The following TBC1D32 variants were observed in gnomAD, a reference collection of about 807,000 sequenced individuals.
TBC1D32 encodes TBC1 domain family member 32, also known as protein broad-minded.
Under a neutral mutation model 170.3 loss-of-function variants are expected in TBC1D32, and 151 were observed. The ratio of observed to expected loss-of-function variants is 0.89; its 90% CI spans 0.78 to 1.01. The LOEUF is 1.01. TBC1D32 is among the 50% of genes least tolerant of loss of function. The probability of loss-of-function intolerance (pLI) is 0.00; values close to 1 mark genes in which losing one functional copy is unlikely to be tolerated. For missense variants in TBC1D32, 1,464 were observed against 1,457.1 expected, an observed-to-expected ratio of 1.00 and a Z score of -0.08; for synonymous variants, 498 against 488.0, an observed-to-expected ratio of 1.02 and a Z score of -0.27.
chr6:121,332,323 G>C (rs1811325230), intron 1 of TBC1D32, among the ~76,000 whole-genome samples: 1 of 151,962 alleles, frequency 6.6e-6, no homozygotes, highest in Non-Finnish European at 1.5e-5. Context: ...AGCAGAAATT[G>C]ATAAAACAAA....
At chr6:121,110,049 A>C (rs1295615242) in intron 29 of TBC1D32, among the ~76,000 whole-genome samples, 1 of 151,954 alleles carries the variant, frequency 6.6e-6, no homozygotes, top group Non-Finnish European at 1.5e-5. Context: ...CAGGAGATCG[A>C]GACCATCCTG....
At chr6:121,094,115 T>A (rs914405350) in intron 30 of TBC1D32, among the ~76,000 whole-genome samples, 5 of 151,786 alleles carry the variant, frequency 3.3e-5, no homozygotes, top group East Asian at 1.9e-4. Flanking sequence ...AAACACCATA[T>A]CCCTGGAAGA....
intron 26 of TBC1D32, among the ~76,000 whole-genome samples, chr6:121,117,462 G>A (rs1779798153): frequency 6.6e-6 from 1 of 152,168 alleles, no homozygotes; most frequent in Non-Finnish European, 1.5e-5. Context: ...AGCACTTTGG[G>A]AGGCTGAGAG....
At chr6:121,268,388 T>A (rs569459352) in intron 15 of TBC1D32, among the ~76,000 whole-genome samples, 6 of 152,234 alleles carry the variant, frequency 3.9e-5, no homozygotes, top group African/African-American at 1.4e-4. Context: ...AATGGCTAAC[T>A]AGAATAAACA....
chr6:121,141,037 T>A (rs1276984839), intron 24 of TBC1D32, among the ~76,000 whole-genome samples: 3 of 152,180 alleles, frequency 2.0e-5, no homozygotes, highest in African/African-American at 7.2e-5. Flanking sequence ...GATTATTTAC[T>A]TTTTCATTCA....
At chr6:121,245,590 G>C (rs978756998) in intron 17 of TBC1D32, among the ~76,000 whole-genome samples, 1 of 152,130 alleles carries the variant, frequency 6.6e-6, no homozygotes, top group African/African-American at 2.4e-5. Context: ...AATGGTCTTG[G>C]AGAAGGGATC....
At chr6:121,227,422 T>C (rs996989837) in intron 20 of TBC1D32, among the ~76,000 whole-genome samples, 1 of 152,110 alleles carries the variant, frequency 6.6e-6, no homozygotes, top group Non-Finnish European at 1.5e-5. Flanking sequence ...GTCAACCAAA[T>C]TTAGAGTCAA....
chr6:121,084,096 T>G (rs1460160482), intron 31 of TBC1D32, among the ~76,000 whole-genome samples: 1 of 152,150 alleles, frequency 6.6e-6, no homozygotes, highest in African/African-American at 2.4e-5. Flanking sequence ...GGTAGCTGTT[T>G]ACCCCATCAA....
rs1775569164 is a variant in TBC1D32, at chr6:121,080,868, C to G, written c.3677G>C (p.Arg1226Pro). The change falls in exon 32 of 32, where the codon CGA becomes CCA. Residue 1226 changes from arginine (R) to proline (P), a missense_variant. Around this residue, in one of 3 missense-constraint regions of TBC1D32, gnomAD observed 97 missense variants for 102.0 expected, o/e 0.95. Transcript: ENST00000398212. Reference sequence around the variant, plus strand: ...CATGTATTCAAAATAATCACTCACTCGAAACCCATGCAGTGCTTCTTCCTG... The same window carrying G: ...CATGTATTCAAAATAATCACTCACTGGAAACCCATGCAGTGCTTCTTCCTG... ...FLKEEALHGFRVSDYFEYMEI... is the reference protein window; with the variant it reads ...FLKEEALHGFPVSDYFEYMEI... 6.2e-7 allele frequency: 1 copy of G among 1,613,608 alleles called. No homozygotes were observed. The highest frequency in any genetic ancestry group is 2.2e-5 in the East Asian group (1 of 44,832).
At chr6:121,216,286 A>T (rs1170449850) in intron 21 of TBC1D32, among the ~76,000 whole-genome samples, 1 of 152,186 alleles carries the variant, frequency 6.6e-6, no homozygotes, top group African/African-American at 2.4e-5. Flanking sequence ...CAAGTTCTTT[A>T]GTTTTGAGAC....
intron 12 of TBC1D32, among the ~76,000 whole-genome samples, chr6:121,284,622 AAG>A (rs1450599576): frequency 6.6e-6 from 1 of 152,186 alleles, no homozygotes; most frequent in Non-Finnish European, 1.5e-5. Flanking sequence ...CTTACATTAA[AAG>A]AGTCTGGTGA....
In TBC1D32 at chr6:121,321,464, G is replaced by A. The variant is rs878882261; in HGVS notation, c.317+169C>T. Among the ~76,000 whole-genome samples, 7 of 152,288 alleles carry A rather than the reference G, an allele frequency of 4.6e-5. No homozygotes were observed. In the South Asian group the frequency reaches 8.3e-4, roughly 18 times the overall value. On this transcript the variant is annotated intron_variant, in intron 2 of 31. Coordinates refer to ENST00000398212, the MANE Select transcript of TBC1D32 (RefSeq NM_152730.6). The stretch of plus-strand genomic sequence containing the variant: ...CTGGGTTTTACTCAAAAGGAGATGC[G>A]AAGCCTTTGGAGAGTCTGGGTGAAA...
At chr6:121,305,197 G>A (rs74618903) in intron 5 of TBC1D32, among the ~76,000 whole-genome samples, 4,994 of 151,964 alleles carry the variant, frequency 0.033, 195 homozygotes, top group East Asian at 0.12. Context: ...TTTCCAAATC[G>A]AAAATTCATC....
chr6:121,218,819 G>C (rs1053088275), intron 21 of TBC1D32, among the ~76,000 whole-genome samples: 3 of 152,124 alleles, frequency 2.0e-5, no homozygotes, highest in Non-Finnish European at 4.4e-5. Flanking sequence ...GAGTTATCAT[G>C]AGATATGATG....
At chr6:121,178,677 G>T (rs560155477) in intron 22 of TBC1D32, among the ~76,000 whole-genome samples, 2 of 152,178 alleles carry the variant, frequency 1.3e-5, no homozygotes, top group African/African-American at 4.8e-5. Flanking sequence ...CTAACCAATG[G>T]AGTATGGTAT....
intron 21 of TBC1D32, among the ~76,000 whole-genome samples, chr6:121,218,451 G>A (rs535654993): frequency 6.6e-6 from 1 of 152,268 alleles, no homozygotes; most frequent in South Asian, 2.1e-4. Context: ...ATTGAAGGAT[G>A]CAAAGTTTTG....
intron 1 of TBC1D32, among the ~76,000 whole-genome samples, chr6:121,330,926 G>A (rs1331328078): frequency 6.6e-6 from 1 of 152,168 alleles, no homozygotes; most frequent in African/African-American, 2.4e-5. Context: ...CATTCTTAGA[G>A]AAAGGCAGGA....
intron 19 of TBC1D32, among the ~76,000 whole-genome samples, 199 bp from the exon 20 acceptor site, chr6:121,239,387 T>C (rs898039425): frequency 5.9e-5 from 9 of 152,150 alleles, no homozygotes; most frequent in Admixed American, 2.0e-4. Flanking sequence ...TTCATTATCA[T>C]AAAACTCTGT....
chr6:121,175,042 A>T (rs141279949), intron 22 of TBC1D32, among the ~76,000 whole-genome samples: 3 of 149,526 alleles, frequency 2.0e-5, no homozygotes, highest in Non-Finnish European at 4.5e-5. Flanking sequence ...AAAAAAACTG[A>T]TAAGATTTCC....
Sources: allele counts gnomAD v4.1 joint callset (sites outside exome capture counted in the v4.1 genomes callset), GRCh38; gene constraint gnomAD v4.1.1; regional missense constraint gnomAD v4.1.1; transcripts MANE v1.5; gene names NCBI Gene and HGNC (gene_info 2026-07-23, HGNC 2026-07-21).